EFNA5: variants seen among roughly 807,000 people sequenced by gnomAD.
EFNA5 encodes the protein ephrin A5, also known as ephrin-A5.
A neutral mutation model predicts 22.9 loss-of-function variants in EFNA5; 5 were observed. The ratio of observed to expected loss-of-function variants is 0.22; its 90% confidence interval spans 0.11 to 0.46. The LOEUF is 0.46. Among genes scored for constraint, EFNA5 ranks in the 20% least tolerant of loss-of-function variants. The probability of loss-of-function intolerance (pLI) is 0.99; values close to 1 mark genes in which losing one functional copy is unlikely to be tolerated. For missense variants in EFNA5, 237 were observed against 293.3 expected, an observed-to-expected ratio of 0.81 and a Z score of 1.40; for synonymous variants, 113 against 112.2, an observed-to-expected ratio of 1.01 and a Z score of -0.04.
At chr5:107,437,123 G>T (rs567832529) in intron 1 of EFNA5, among the ~76,000 whole-genome samples, 3 of 152,142 alleles carry the variant, frequency 2.0e-5, no homozygotes, top group Non-Finnish European at 4.4e-5. Flanking sequence ...AAAAAATTGA[G>T]ATATCTGATA....
At position 107,618,709 on chromosome 5, in the gene EFNA5, A is replaced by G. The variant is rs537139165; in HGVS notation, c.125+51780T>C. 1.8e-4 allele frequency among the ~76,000 whole-genome samples: 28 copies of G among 152,318 alleles called. 1 individual carries two copies. The highest frequency in any genetic ancestry group is 6.5e-4 in the African/African-American group (27 of 41,568). On this transcript the variant is annotated intron_variant, in intron 1 of 4. Coordinates refer to ENST00000333274, the MANE Select transcript of EFNA5 (RefSeq NM_001962.3). ...TATACAAAACAAGAGGAAATCTATGACATGCCACTTGAGTCTCTGACTAAC... is the reference window on the plus strand; with the variant it reads ...TATACAAAACAAGAGGAAATCTATGGCATGCCACTTGAGTCTCTGACTAAC...
At chr5:107,669,970 T>C (rs1751152723) in intron 1 of EFNA5, among the ~76,000 whole-genome samples, 1 of 148,324 alleles carries the variant, frequency 6.7e-6, no homozygotes, top group African/African-American at 2.5e-5. Flanking sequence ...CCCCCCTCAC[T>C]TCCCCCAGCC....
chr5:107,585,495 T>C (rs1749166202), intron 1 of EFNA5, among the ~76,000 whole-genome samples: 1 of 152,186 alleles, frequency 6.6e-6, no homozygotes, highest in Non-Finnish European at 1.5e-5. Context: ...TGATAAATTC[T>C]AAACAATATT....
At chr5:107,396,404 C>T (rs1747925369) in intron 2 of EFNA5, among the ~76,000 whole-genome samples, 1 of 152,164 alleles carries the variant, frequency 6.6e-6, no homozygotes. Flanking sequence ...CACTTAGAAA[C>T]TCAGGTGATC....
chr5:107,632,960 GC>G lies in EFNA5; in HGVS notation c.125+37528del, dbSNP rs1750289970. On this transcript the variant is annotated intron_variant, in intron 1 of 4. Coordinates refer to ENST00000333274, the MANE Select transcript of EFNA5 (RefSeq NM_001962.3). Reference sequence around the variant, plus strand: ...TTCAGTATTTTACTTTTCTTTCTATGCCTTTAATCTGCACTAAACTAATTCT... The same window carrying G: ...TTCAGTATTTTACTTTTCTTTCTATGCTTTAATCTGCACTAAACTAATTCT... Among the ~76,000 whole-genome samples, 5 of 151,946 alleles carry G rather than the reference GC, an allele frequency of 3.3e-5. No individual in the cohort carries two copies. In the South Asian group the frequency reaches 1.0e-3, roughly 32 times the overall value.
chr5:107,544,937 T>G (rs1748117018), intron 1 of EFNA5, among the ~76,000 whole-genome samples: 1 of 152,202 alleles, frequency 6.6e-6, no homozygotes, highest in African/African-American at 2.4e-5. Context: ...ACTCCCACAA[T>G]GTCTACACTG....
At chr5:107,519,277 T>C (rs1410662967) in intron 1 of EFNA5, among the ~76,000 whole-genome samples, 1 of 152,256 alleles carries the variant, frequency 6.6e-6, no homozygotes, top group Non-Finnish European at 1.5e-5. Flanking sequence ...ATTCTGCTTA[T>C]AGAACATCAG....
chr5:107,592,273 T>G (rs1285234334), intron 1 of EFNA5, among the ~76,000 whole-genome samples: 1 of 150,694 alleles, frequency 6.6e-6, no homozygotes, highest in Non-Finnish European at 1.5e-5. Flanking sequence ...TCAAATAGAT[T>G]TCCAACATTT....
intron 2 of EFNA5, among the ~76,000 whole-genome samples, chr5:107,419,104 A>G (rs1748586263): frequency 1.3e-5 from 2 of 152,204 alleles, no homozygotes; most frequent in African/African-American, 4.8e-5. Flanking sequence ...TCTAGCTCCA[A>G]CAGCACCTGA....
chr5:107,485,088 A>T (rs1201422788), intron 1 of EFNA5, among the ~76,000 whole-genome samples: 1 of 152,104 alleles, frequency 6.6e-6, no homozygotes, highest in Admixed American at 6.6e-5. Context: ...TAAAAAAAGA[A>T]AAAAGGTAGG....
At chr5:107,577,543 T>C (rs941902076) in intron 1 of EFNA5, among the ~76,000 whole-genome samples, 1 of 152,138 alleles carries the variant, frequency 6.6e-6, no homozygotes, top group Non-Finnish European at 1.5e-5. Flanking sequence ...GGCCCACTTA[T>C]CTGAAATGGA....
At chr5:107,381,485 G>T in intron 4 of EFNA5, 109 bp from the exon 5 acceptor site, 3 of 1,261,192 alleles carry the variant, frequency 2.4e-6, no homozygotes, top group Admixed American at 5.4e-5. Flanking sequence ...GTAGGGTAAT[G>T]AACCTTGTGC....
intron 1 of EFNA5, among the ~76,000 whole-genome samples, chr5:107,538,889 GC>G (rs1267905212): frequency 4.6e-5 from 7 of 152,168 alleles, no homozygotes; most frequent in Non-Finnish European, 8.8e-5. Context: ...GAGGCATTCA[GC>G]TTTTCTCTTT....
At chr5:107,578,372 T>C (rs963072423) in intron 1 of EFNA5, among the ~76,000 whole-genome samples, 1 of 152,118 alleles carries the variant, frequency 6.6e-6, no homozygotes, top group African/African-American at 2.4e-5. Flanking sequence ...CAGTTTTGGG[T>C]TGTGGATTTC....
intron 2 of EFNA5, among the ~76,000 whole-genome samples, chr5:107,425,007 A>G (rs1156524550): frequency 6.6e-6 from 1 of 152,208 alleles, no homozygotes; most frequent in Non-Finnish European, 1.5e-5. Context: ...TTTCATTAAA[A>G]AAAGTAATTC....
chr5:107,545,453 G>A (rs1285565136), intron 1 of EFNA5, among the ~76,000 whole-genome samples: 4 of 152,228 alleles, frequency 2.6e-5, no homozygotes, highest in Admixed American at 2.6e-4. Context: ...AAACACTGCA[G>A]TTCTACCTGG....
At chr5:107,416,535 T>A (rs1748509987) in intron 2 of EFNA5, among the ~76,000 whole-genome samples, 2 of 152,116 alleles carry the variant, frequency 1.3e-5, no homozygotes, top group South Asian at 4.1e-4. Flanking sequence ...TTAAAACAGA[T>A]ACAGTGCTAG....
intron 1 of EFNA5, among the ~76,000 whole-genome samples, chr5:107,489,346 GTAT>G (rs1486503985): frequency 6.6e-6 from 1 of 151,924 alleles, no homozygotes; most frequent in African/African-American, 2.4e-5. Context: ...GCTAATTATT[GTAT>G]TTTTAGTAGA....
intron 1 of EFNA5, among the ~76,000 whole-genome samples, chr5:107,513,915 C>T (rs898865727): frequency 1.3e-5 from 2 of 152,070 alleles, no homozygotes; most frequent in Non-Finnish European, 1.5e-5. Context: ...GAGGATGTTG[C>T]GAGGTAGGCC....
Sources: gnomAD v4.1 joint callset for allele counts (sites outside exome capture counted in the v4.1 genomes callset) on GRCh38, gnomAD v4.1.1 for gene constraint, MANE v1.5 for transcripts, NCBI Gene and HGNC (gene_info 2026-07-23, HGNC 2026-07-21) for gene names.